MAF: variants seen among roughly 807,000 people sequenced by gnomAD.
MAF encodes the protein transcription factor Maf.
Under a neutral mutation model 22.0 loss-of-function variants are expected in MAF, and 10 were observed. The ratio of observed to expected loss-of-function variants is 0.45; its 90% CI spans 0.28 to 0.77. The LOEUF is 0.77. MAF is among the 30% of genes least tolerant of loss of function. The probability of loss-of-function intolerance (pLI) is 0.12; values close to 1 mark genes in which losing one functional copy is unlikely to be tolerated. For missense variants in MAF, 544 were observed against 548.4 expected (o/e 0.99, Z 0.08); for synonymous variants, 337 against 255.8 (o/e 1.32, Z -3.03).
the MAF span, among the ~76,000 whole-genome samples, chr16:79,389,863 C>A: frequency 6.7e-6 from 1 of 149,358 alleles, no homozygotes; most frequent in Non-Finnish European, 1.5e-5. Flanking sequence ...GTAGTCCCAG[C>A]TACTAGGGAG....
chr16:79,243,893 G>A, the MAF span, among the ~76,000 whole-genome samples: 1 of 151,992 alleles, frequency 6.6e-6, no homozygotes, highest in Non-Finnish European at 1.5e-5. Context: ...TTATCCCTGG[G>A]ATGCAAGGTT....
chr16:79,412,301 T>C, the MAF span, among the ~76,000 whole-genome samples: 7 of 152,136 alleles, frequency 4.6e-5, no homozygotes, highest in Non-Finnish European at 7.4e-5. Flanking sequence ...ATGATTACCG[T>C]GGTACCAGGT....
chr16:79,380,665 G>T, the MAF span, among the ~76,000 whole-genome samples: 1 of 152,184 alleles, frequency 6.6e-6, no homozygotes, highest in Non-Finnish European at 1.5e-5. Flanking sequence ...CTCTGACGAT[G>T]ATCAGTAGTA....
the MAF span, among the ~76,000 whole-genome samples, chr16:79,331,641 C>A: frequency 6.6e-6 from 1 of 152,184 alleles, no homozygotes; most frequent in Non-Finnish European, 1.5e-5. Flanking sequence ...CATACAAGAG[C>A]CACAGACATC....
the MAF span, among the ~76,000 whole-genome samples, chr16:79,506,684 T>C: frequency 2.0e-5 from 3 of 152,188 alleles, no homozygotes; most frequent in African/African-American, 4.8e-5. Context: ...GCAACACTCA[T>C]GCTGTGTGCA....
At chr16:79,345,830 T>C in the MAF span, among the ~76,000 whole-genome samples, 2 of 151,046 alleles carry the variant, frequency 1.3e-5, no homozygotes, top group Non-Finnish European at 1.5e-5. Context: ...ACCAGCTGCA[T>C]ATTGCTGGAG....
the MAF span, among the ~76,000 whole-genome samples, chr16:79,537,053 G>C: frequency 3.9e-5 from 6 of 152,144 alleles, no homozygotes; most frequent in Non-Finnish European, 7.3e-5. Flanking sequence ...GTGTATGTGT[G>C]GGTGCACATG....
chr16:79,448,883 G>T, the MAF span, among the ~76,000 whole-genome samples: 1 of 152,152 alleles, frequency 6.6e-6, no homozygotes, highest in Non-Finnish European at 1.5e-5. Context: ...GACCTTGGGG[G>T]GAGGCAGGGA....
At chr16:79,503,832 G>A in the MAF span, among the ~76,000 whole-genome samples, 1 of 152,272 alleles carries the variant, frequency 6.6e-6, no homozygotes, top group East Asian at 1.9e-4. Context: ...TTCATAATGT[G>A]TAATTCTGTC....
the MAF span, among the ~76,000 whole-genome samples, chr16:79,315,504 G>A: frequency 6.6e-6 from 1 of 152,166 alleles, no homozygotes; most frequent in Non-Finnish European, 1.5e-5. Flanking sequence ...TGCCACACAT[G>A]TATTAAATAT....
the MAF span, among the ~76,000 whole-genome samples, chr16:79,254,479 TC>T: frequency 6.6e-6 from 1 of 152,220 alleles, no homozygotes; most frequent in African/African-American, 2.4e-5. Flanking sequence ...CCAAGTAGCA[TC>T]TTTGTGAATA....
chr16:79,501,334 A>C, the MAF span, among the ~76,000 whole-genome samples: 1 of 152,070 alleles, frequency 6.6e-6, no homozygotes, highest in Non-Finnish European at 1.5e-5. Context: ...ATCCTCCCTA[A>C]TCCAGTATAA....
the MAF span, among the ~76,000 whole-genome samples, chr16:79,428,320 C>T: frequency 1.3e-5 from 2 of 152,120 alleles, no homozygotes; most frequent in Admixed American, 6.5e-5. Flanking sequence ...AGTCTCACCC[C>T]TGGGGGTGGC....
intron 1 of MAF, among the ~76,000 whole-genome samples, chr16:79,587,691 C>T (rs1298379510): frequency 6.6e-6 from 1 of 152,058 alleles, no homozygotes; most frequent in African/African-American, 2.4e-5. Context: ...CATTGATAGT[C>T]TCCGTTATTT....
At chr16:79,340,795 A>G in the MAF span, among the ~76,000 whole-genome samples, 4 of 152,110 alleles carry the variant, frequency 2.6e-5, no homozygotes, top group Non-Finnish European at 5.9e-5. Flanking sequence ...GTCTTCAGGC[A>G]TTGCTAGATG....
the MAF span, among the ~76,000 whole-genome samples, chr16:79,571,530 A>ATT: frequency 0.18 from 18,454 of 103,826 alleles, 1,956 homozygotes; most frequent in Admixed American, 0.32. Flanking sequence ...TCTCAGCGGA[A>ATT]TTTTTTTTTT....
chr16:79,337,963 C>T, the MAF span, among the ~76,000 whole-genome samples: 1 of 152,060 alleles, frequency 6.6e-6, no homozygotes, highest in Admixed American at 6.5e-5. Flanking sequence ...TTCTTGTATG[C>T]ACTTCAGATT....
the MAF span, among the ~76,000 whole-genome samples, chr16:79,395,845 G>C: frequency 2.0e-5 from 3 of 152,154 alleles, no homozygotes; most frequent in African/African-American, 7.2e-5. Flanking sequence ...GGTGGTCTGG[G>C]GATGATGAAA....
chr16:79,241,330 G>C, the MAF span, among the ~76,000 whole-genome samples: 14 of 152,090 alleles, frequency 9.2e-5, no homozygotes, highest in Non-Finnish European at 1.5e-4. Context: ...GGAATAACCA[G>C]TTTAAAGAAG....
Sources: gnomAD v4.1 joint callset for allele counts (sites outside exome capture counted in the v4.1 genomes callset) on GRCh38, gnomAD v4.1.1 for gene constraint, MANE v1.5 for transcripts, NCBI Gene and HGNC (gene_info 2026-07-23, HGNC 2026-07-21) for gene names.